GAS7: variants seen among roughly 807,000 people sequenced by gnomAD.
GAS7 encodes growth arrest-specific protein 7.
A neutral mutation model predicts 71.1 loss-of-function variants in GAS7; 28 were observed. That is an observed-to-expected ratio of 0.39 (90% CI 0.29 to 0.54). GAS7 has a LOEUF of 0.54. GAS7 is among the 20% of genes least tolerant of loss of function. The pLI is 0.62. For synonymous variants in GAS7, 258 were observed against 245.8 expected (o/e 1.05, Z -0.46); for missense variants, 436 against 627.8 (o/e 0.69, Z 3.27).
chr17:10,074,250 T>C (rs1279741473), intron 1 of GAS7, among the ~76,000 whole-genome samples: 1 of 152,204 alleles, frequency 6.6e-6, no homozygotes, highest in Non-Finnish European at 1.5e-5. Context: ...CTCCCTCCCA[T>C]CTTGCTTTCT....
At chr17:9,987,258 A>C (rs1044765610) in intron 2 of GAS7, among the ~76,000 whole-genome samples, 2 of 152,226 alleles carry the variant, frequency 1.3e-5, no homozygotes, top group African/African-American at 4.8e-5. Context: ...GAGTGGAAGA[A>C]GTGAGATGTG....
chr17:10,133,130 T>C (rs1372126725), intron 1 of GAS7, among the ~76,000 whole-genome samples: 3 of 95,152 alleles, frequency 3.2e-5, no homozygotes, highest in Non-Finnish European at 5.0e-5. Context: ...ATATTTTTTT[T>C]TTTTCTTTTT....
intron 1 of GAS7, among the ~76,000 whole-genome samples, chr17:10,031,556 G>A (rs753778520): frequency 6.6e-6 from 1 of 152,178 alleles, no homozygotes; most frequent in Non-Finnish European, 1.5e-5. Context: ...GTCGGCAGAG[G>A]GTAGGAAAGA....
chr17:9,976,780 A>G (rs1008086559), intron 3 of GAS7, among the ~76,000 whole-genome samples: 2 of 152,222 alleles, frequency 1.3e-5, no homozygotes, highest in Non-Finnish European at 2.9e-5. Flanking sequence ...ACCGCCCACC[A>G]GGACAACCTC....
intron 1 of GAS7, among the ~76,000 whole-genome samples, chr17:10,076,310 AGAAG>A (rs1202501010): frequency 4.6e-4 from 26 of 56,806 alleles, no homozygotes; most frequent in African/African-American, 2.2e-3. Flanking sequence ...GGACGGGAGG[AGAAG>A]GGAGGGGAGG....
intron 1 of GAS7, among the ~76,000 whole-genome samples, chr17:10,176,430 C>T (rs751875110): frequency 6.6e-5 from 10 of 152,210 alleles, no homozygotes; most frequent in Non-Finnish European, 1.5e-4. Flanking sequence ...AACTTCAAAT[C>T]CCGTACACAG....
At chr17:10,057,784 G>T (rs1234905857) in intron 1 of GAS7, among the ~76,000 whole-genome samples, 1 of 152,266 alleles carries the variant, frequency 6.6e-6, no homozygotes, top group South Asian at 2.1e-4. Context: ...CCATGATGAC[G>T]ATGGGGGTTT....
intron 1 of GAS7, among the ~76,000 whole-genome samples, chr17:10,037,319 A>T (rs992655503): frequency 1.3e-5 from 2 of 152,232 alleles, no homozygotes; most frequent in Non-Finnish European, 2.9e-5. Context: ...TCCTTCATGA[A>T]TATATCCTAT....
intron 11 of GAS7, among the ~76,000 whole-genome samples, 179 bp downstream of exon 11, chr17:9,925,297 C>T (rs59014256): frequency 0.02 from 3,022 of 152,290 alleles, 109 homozygotes; most frequent in African/African-American, 0.068. Flanking sequence ...TCTTTGAGAT[C>T]TCTGGGTGTG....
In GAS7 at chr17:9,926,014, C is replaced by T. The variant is rs1427008043; in HGVS notation, c.1015-415G>A. On this transcript the variant is annotated intron_variant, in intron 10 of 13. Coordinates refer to ENST00000432992, the MANE Select transcript of GAS7 (RefSeq NM_201433.2). This position sits in a 1 kb window ranked among gnomAD's most constrained non-coding sequence, Gnocchi z 5.0. Reference sequence around the variant, plus strand: ...GTTCTGGAGCTGGACAAGCCTCGGCCCTCTTGTTCCCCTCACTGTACTGCC... The same window carrying T: ...GTTCTGGAGCTGGACAAGCCTCGGCTCTCTTGTTCCCCTCACTGTACTGCC... 2.0e-5 allele frequency among the ~76,000 whole-genome samples: 3 copies of T among 152,012 alleles called. No individual in the cohort carries two copies. In the East Asian group the frequency reaches 5.8e-4, roughly 29 times the overall value.
intron 5 of GAS7, among the ~76,000 whole-genome samples, chr17:9,957,629 G>A (rs1019350646): frequency 6.3e-5 from 9 of 142,652 alleles, no homozygotes; most frequent in African/African-American, 1.9e-4. Context: ...ACTCTGGAGA[G>A]CTCCTGCTGT....
chr17:10,198,424 A>G lies in GAS7; in HGVS notation c.-34T>C, dbSNP rs1418284499. On this transcript the variant is annotated 5_prime_UTR_variant, in exon 1 of 14. The change abolishes an upstream ATG in the 5' untranslated region. Transcript: ENST00000432992. ...CGCCCGGGTTCACAGCGCAGCCTGC[A>G]TTCCCGCCGAGCCCCACGGGCTGGG... The G allele has an allele frequency of 4.1e-6, 6 of 1,464,300 alleles. No homozygotes were observed. Among genetic ancestry groups the G allele is most frequent in the Non-Finnish European group, 5.4e-6 (6 of 1,111,858 alleles). 90.7% of individuals were successfully genotyped at this position (1,464,300 alleles called of 1,614,324 possible).
At chr17:10,046,796 G>A (rs1300002953) in intron 1 of GAS7, among the ~76,000 whole-genome samples, 1 of 83,104 alleles carries the variant, frequency 1.2e-5, no homozygotes, top group African/African-American at 6.3e-5. Flanking sequence ...AAGGAAGGAA[G>A]GAAGGAAGGA....
At chr17:10,122,071 T>C (rs932475096) in intron 1 of GAS7, among the ~76,000 whole-genome samples, 16 of 152,018 alleles carry the variant, frequency 1.1e-4, no homozygotes, top group Admixed American at 7.2e-4. Context: ...AGGCCCAAAA[T>C]AGCATCAGCA....
chr17:9,922,651 C>T (rs1185530263), intron 11 of GAS7, among the ~76,000 whole-genome samples: 1 of 152,002 alleles, frequency 6.6e-6, no homozygotes, highest in African/African-American at 2.4e-5. Context: ...TATCTGATGA[C>T]AATGCAATAA....
At chr17:9,925,107 C>T (rs2067948966) in intron 11 of GAS7, among the ~76,000 whole-genome samples, 1 of 152,170 alleles carries the variant, frequency 6.6e-6, no homozygotes, top group South Asian at 2.1e-4. Context: ...GGGCTCTGAA[C>T]AGGGACAGGG....
chr17:10,002,274 C>G (rs1038174800), intron 2 of GAS7, among the ~76,000 whole-genome samples: 3 of 152,134 alleles, frequency 2.0e-5, no homozygotes, highest in African/African-American at 7.2e-5. Flanking sequence ...TTCCTTGGCT[C>G]GTAGATGGCT....
intron 1 of GAS7, among the ~76,000 whole-genome samples, chr17:10,158,207 G>T (rs1373975474): frequency 1.3e-5 from 2 of 151,822 alleles, no homozygotes; most frequent in Non-Finnish European, 2.9e-5. Context: ...TAGAGACGGG[G>T]TTTCACCGTG....
intron 1 of GAS7, among the ~76,000 whole-genome samples, chr17:10,022,393 A>C (rs2072304252): frequency 1.3e-5 from 2 of 152,226 alleles, no homozygotes; most frequent in African/African-American, 4.8e-5. Context: ...TGGGAAAGCC[A>C]TATTGGTACT....
Sources: gnomAD v4.1 joint callset for allele counts (sites outside exome capture counted in the v4.1 genomes callset) on GRCh38, gnomAD v4.1.1 for gene constraint, Gnocchi (gnomAD v3.1) non-coding constraint, MANE v1.5 for transcripts, NCBI Gene and HGNC (gene_info 2026-07-23, HGNC 2026-07-21) for gene names.